The following UGGT2 variants were observed in gnomAD, a reference collection of about 807,000 sequenced individuals.
UGGT2 encodes UDP-glucose glycoprotein glucosyltransferase 2.
A neutral mutation model predicts 192.1 loss-of-function variants in UGGT2; 180 were observed. The observed-to-expected ratio is 0.94, with a 90% CI of 0.83 to 1.06. The LOEUF is 1.06. Among genes scored for constraint, UGGT2 ranks in the 50% least tolerant of loss-of-function variants. UGGT2 has a pLI of 0.00. For synonymous variants in UGGT2, 580 were observed against 591.0 expected (o/e 0.98, Z 0.27); for missense variants, 1,849 against 1,795.7 (o/e 1.03, Z -0.54).
intron 7 of UGGT2, chr13:95,995,288 A>G (rs2051582932): frequency 6.6e-6 from 1 of 152,140 alleles, no homozygotes; most frequent in African/African-American, 2.4e-5. Context: ...CCTTGCAATA[A>G]TAGACTGCCA....
At chr13:95,856,385 T>C in intron 33 of UGGT2, 45 bp from the exon 34 acceptor site, 1 of 1,565,368 alleles carries the variant, frequency 6.4e-7, no homozygotes, top group South Asian at 1.2e-5. Flanking sequence ...CAAGAGAAAG[T>C]AGTTTTGTTT....
intron 24 of UGGT2, among the ~76,000 whole-genome samples, chr13:95,893,074 T>C (rs988651195): frequency 5.9e-5 from 9 of 152,014 alleles, no homozygotes; most frequent in Non-Finnish European, 1.2e-4. Flanking sequence ...GGGGAAAAAA[T>C]ATAATTGTTT....
intron 12 of UGGT2, among the ~76,000 whole-genome samples, chr13:95,960,213 A>G (rs1271540646): frequency 6.6e-6 from 1 of 152,234 alleles, no homozygotes; most frequent in Non-Finnish European, 1.5e-5. Context: ...CTCCAAAGGA[A>G]CACAATAATT....
chr13:96,033,636 G>T (rs1455000696), intron 1 of UGGT2, among the ~76,000 whole-genome samples: 1 of 152,166 alleles, frequency 6.6e-6, no homozygotes, highest in African/African-American at 2.4e-5. Context: ...CTGCTTCCTG[G>T]CCTCTTCTCT....
intron 10 of UGGT2, chr13:95,983,407 T>C: frequency 3.6e-6 from 1 of 281,212 alleles, no homozygotes; most frequent in Non-Finnish European, 7.0e-6. Flanking sequence ...TGGCAGAATC[T>C]TATCAAACCA....
chr13:95,956,246 G>A (rs1019897877), intron 12 of UGGT2, among the ~76,000 whole-genome samples: 2 of 152,036 alleles, frequency 1.3e-5, no homozygotes, highest in African/African-American at 4.8e-5. Flanking sequence ...AGACAGCCCA[G>A]AAATAAATCT....
chr13:95,854,462 T>G lies in UGGT2; in HGVS notation c.4022A>C (p.Asp1341Ala), dbSNP rs772716120. The change falls in exon 35 of 39, where the codon GAT becomes GCT. Residue 1341 changes from aspartate to alanine, a missense_variant. Physicochemically the swap from Asp to Ala is moderately radical, Grantham distance 126. Transcript: ENST00000376747. ...FVDADQIVRH[D>A]LKELRDFDLD... ...ATCGAAATCTCGAAGTTCTTTTAGA[T>G]CATGTCTCACAATCTAAATAATTAA... 1 of 1,608,324 alleles carries G rather than the reference T, an allele frequency of 6.2e-7. No individual in the cohort carries two copies. The highest frequency in any genetic ancestry group is 1.1e-5 in the South Asian group (1 of 89,390).
intron 15 of UGGT2, among the ~76,000 whole-genome samples, chr13:95,943,860 TA>T (rs2049774972): frequency 6.6e-6 from 1 of 152,180 alleles, no homozygotes; most frequent in South Asian, 2.1e-4. Flanking sequence ...TTTCCATTTT[TA>T]AAAACAATGC....
At chr13:95,819,221 C>T (rs371502832) in intron 38 of UGGT2, among the ~76,000 whole-genome samples, 4 of 152,086 alleles carry the variant, frequency 2.6e-5, no homozygotes, top group African/African-American at 9.7e-5. Flanking sequence ...TATGTTTAAG[C>T]TTCTATTACA....
rs144204664 is a variant in UGGT2, at chr13:95,930,134, A to T, written c.1978-2798T>A. 1.7e-3 allele frequency among the ~76,000 whole-genome samples: 254 copies of T among 152,058 alleles called. 2 individuals carry two copies. Among genetic ancestry groups the T allele is most frequent in the African/African-American group, 5.7e-3 (238 of 41,464 alleles). Reference sequence around the variant, plus strand: ...TGCCTACTTTTTAATGGGGTTATTTATTCTTTGCTTGATTTATTTGCTACT... The same window carrying T: ...TGCCTACTTTTTAATGGGGTTATTTTTTCTTTGCTTGATTTATTTGCTACT... On this transcript the variant is annotated intron_variant, in intron 17 of 38. Coordinates refer to ENST00000376747, the MANE Select transcript of UGGT2 (RefSeq NM_020121.4).
At chr13:95,803,045 A>G (rs1166579143) in intron 38 of UGGT2, among the ~76,000 whole-genome samples, 3 of 151,870 alleles carry the variant, frequency 2.0e-5, no homozygotes, top group Non-Finnish European at 4.4e-5. Context: ...CGTGTTAGCC[A>G]GGATGGTCTC....
At chr13:95,861,018 AAACT>A (rs1394333703) in intron 31 of UGGT2, 135 bp from the exon 32 acceptor site, 4 of 418,420 alleles carry the variant, frequency 9.6e-6, no homozygotes, top group African/African-American at 2.1e-5. Context: ...TAATATTTAC[AAACT>A]AATATTAAAA....
chr13:95,822,964 C>T (rs1327995808), intron 38 of UGGT2, among the ~76,000 whole-genome samples: 2 of 151,970 alleles, frequency 1.3e-5, no homozygotes, highest in African/African-American at 4.8e-5. Context: ...TTGTTGTATT[C>T]CAGAGGTTTT....
intron 12 of UGGT2, among the ~76,000 whole-genome samples, chr13:95,969,736 C>G (rs530792073): frequency 1.3e-5 from 2 of 152,316 alleles, no homozygotes; most frequent in Admixed American, 6.5e-5. Flanking sequence ...ACACCAGAAC[C>G]TTTGGAGGCC....
intron 10 of UGGT2, among the ~76,000 whole-genome samples, chr13:95,983,227 A>T (rs2051182572): frequency 6.6e-6 from 1 of 152,166 alleles, no homozygotes; most frequent in South Asian, 2.1e-4. Context: ...AAATACAGGT[A>T]AGAAGTGAGA....
At chr13:95,827,351 T>C (rs932431861) in intron 38 of UGGT2, among the ~76,000 whole-genome samples, 6 of 152,140 alleles carry the variant, frequency 3.9e-5, no homozygotes, top group Admixed American at 3.9e-4. Context: ...TAAAATAAGG[T>C]CATAAGCGTA....
chr13:95,910,517 T>G (rs2048457540), intron 20 of UGGT2, among the ~76,000 whole-genome samples: 1 of 152,146 alleles, frequency 6.6e-6, no homozygotes, highest in Non-Finnish European at 1.5e-5. Flanking sequence ...GGTAAACGGA[T>G]GAATTGAACA....
intron 38 of UGGT2, among the ~76,000 whole-genome samples, chr13:95,829,056 C>G (rs1268011173): frequency 1.3e-5 from 2 of 152,084 alleles, no homozygotes; most frequent in Non-Finnish European, 2.9e-5. Flanking sequence ...TAAACAGAAC[C>G]AAAGACAAAA....
intron 25 of UGGT2, among the ~76,000 whole-genome samples, chr13:95,889,827 G>A (rs2047749811): frequency 6.6e-6 from 1 of 152,132 alleles, no homozygotes; most frequent in African/African-American, 2.4e-5. Context: ...GCCAGCCTGC[G>A]GACATTCTGG....
Sources: allele counts gnomAD v4.1 joint callset (sites outside exome capture counted in the v4.1 genomes callset), GRCh38; gene constraint gnomAD v4.1.1; transcripts MANE v1.5; gene names NCBI Gene and HGNC (gene_info 2026-07-23, HGNC 2026-07-21).